Variants in MYPN observed in about 807,000 individuals in gnomAD.
MYPN encodes sarcomeric protein myopalladin, 145 kDa (MYOP).
A neutral mutation model predicts 129.4 loss-of-function variants in MYPN; 63 were observed. The observed-to-expected ratio is 0.49, with a 90% confidence interval of 0.40 to 0.60. MYPN has a LOEUF of 0.60. Among genes scored for constraint, MYPN ranks in the 20% least tolerant of loss-of-function variants. The pLI, the probability that MYPN is intolerant of heterozygous loss-of-function variation, is 0.00. For missense variants in MYPN, 1,596 were observed against 1,635.4 expected, an observed-to-expected ratio of 0.98 and a Z score of 0.42; for synonymous variants, 629 against 600.9, an observed-to-expected ratio of 1.05 and a Z score of -0.68.
chr10:68,130,320 C>A (rs1170310909), intron 2 of MYPN, among the ~76,000 whole-genome samples: 1 of 151,914 alleles, frequency 6.6e-6, no homozygotes, highest in Non-Finnish European at 1.5e-5. Flanking sequence ...ATTAGCCAGG[C>A]GTGGTGGCGG....
Position 68,121,818 on chromosome 10 carries a change from G to A in MYPN, c.380G>A (p.Ser127Asn). The A allele has an allele frequency of 6.2e-7, 1 of 1,614,126 alleles. No homozygotes were observed. The highest frequency in any genetic ancestry group is 1.6e-4 in the Middle Eastern group (1 of 6,062). The change falls in exon 2 of 20, where the codon AGC becomes AAC. Residue 127 changes from serine (S) to asparagine (N), a missense_variant. Physicochemically the swap from Ser to Asn is conservative, Grantham distance 46 (BLOSUM62 1). Coordinates refer to ENST00000358913, the MANE Select transcript of MYPN (RefSeq NM_032578.4). ...CAGGATAACCCTCGAAGTCCCACCA[G>A]CTCTAAAGAAAGCCCCCAGGAGGCA... ...FCQDNPRSPT[S>N]SKESPQEAKR... is the part of the protein sequence containing the mutation.
intron 13 of MYPN, among the ~76,000 whole-genome samples, chr10:68,189,722 T>C (rs1165090606): frequency 6.6e-6 from 1 of 152,260 alleles, no homozygotes; most frequent in Non-Finnish European, 1.5e-5. Flanking sequence ...AGCAGAATAA[T>C]ATTCCATTGT....
chr10:68,185,840 T>A (rs2043412085), intron 12 of MYPN, among the ~76,000 whole-genome samples: 1 of 150,896 alleles, frequency 6.6e-6, no homozygotes, highest in Non-Finnish European at 1.5e-5. Flanking sequence ...AGAAAAAAAA[T>A]ATCCTGGTGT....
At chr10:68,196,514 C>T (rs376566696) in intron 15 of MYPN, among the ~76,000 whole-genome samples, 52,237 of 125,538 alleles carry the variant, frequency 0.42, 11,659 homozygotes, top group Non-Finnish European at 0.51. Context: ...ATGGGGGTCT[C>T]ACTCTGTCAC....
chr10:68,091,530 G>A (rs1024727276), intron 1 of MYPN, among the ~76,000 whole-genome samples: 3 of 151,146 alleles, frequency 2.0e-5, no homozygotes, highest in Non-Finnish European at 4.4e-5. Context: ...GATTAGCTAG[G>A]GCTACAGGTG....
intron 17 of MYPN, among the ~76,000 whole-genome samples, chr10:68,201,294 C>T (rs1299227819): frequency 6.6e-6 from 1 of 152,104 alleles, no homozygotes; most frequent in Non-Finnish European, 1.5e-5. Flanking sequence ...GATGGTTGCC[C>T]CATTTCTTTT....
intron 13 of MYPN, among the ~76,000 whole-genome samples, chr10:68,192,182 A>G (rs1011191088): frequency 6.6e-6 from 1 of 152,052 alleles, no homozygotes; most frequent in African/African-American, 2.4e-5. Flanking sequence ...TCTACACTCA[A>G]TTTGTTGAGG....
intron 1 of MYPN, among the ~76,000 whole-genome samples, chr10:68,097,310 C>T (rs923609936): frequency 1.3e-5 from 2 of 152,062 alleles, no homozygotes; most frequent in Non-Finnish European, 2.9e-5. Flanking sequence ...TCGGGATAGA[C>T]GCCAAGGACT....
chr10:68,191,853 A>G (rs776039681), intron 13 of MYPN, among the ~76,000 whole-genome samples: 4 of 152,044 alleles, frequency 2.6e-5, no homozygotes, highest in Non-Finnish European at 5.9e-5. Context: ...TTGTAAGTTG[A>G]TTTTGTATCC....
chr10:68,127,028 AG>A (rs1381437560), intron 2 of MYPN, among the ~76,000 whole-genome samples: 2 of 152,220 alleles, frequency 1.3e-5, no homozygotes, highest in Non-Finnish European at 2.9e-5. Flanking sequence ...TCCGTCACTC[AG>A]GCTGGAGGGC....
At chr10:68,183,101 A>AG (rs148132373) in intron 12 of MYPN, among the ~76,000 whole-genome samples, 1,996 of 152,342 alleles carry the variant, frequency 0.013, 49 homozygotes, top group African/African-American at 0.046. Context: ...AGGTGCTTAA[A>AG]GCTATATATA....
chr10:68,134,623 T>C (rs1244192203), intron 2 of MYPN, among the ~76,000 whole-genome samples: 1 of 151,966 alleles, frequency 6.6e-6, no homozygotes, highest in Non-Finnish European at 1.5e-5. Flanking sequence ...GGTGAAACCC[T>C]GTCTCTACTA....
intron 10 of MYPN, 107 bp downstream of exon 10, chr10:68,166,773 A>C: frequency 6.9e-7 from 1 of 1,458,464 alleles, no homozygotes; most frequent in Non-Finnish European, 9.4e-7. Context: ...TCACACCTGT[A>C]ATCCGAGCAC....
intron 1 of MYPN, among the ~76,000 whole-genome samples, chr10:68,095,147 C>G (rs965236119): frequency 3.3e-5 from 5 of 151,940 alleles, no homozygotes; most frequent in Non-Finnish European, 7.4e-5. Flanking sequence ...AGTTCCAGAC[C>G]AGCCTTGGCA....
intron 15 of MYPN, 125 bp from the exon 16 acceptor site, chr10:68,197,227 T>TC (rs1316427124): frequency 1.1e-6 from 1 of 932,880 alleles, no homozygotes; most frequent in African/African-American, 1.8e-5. Flanking sequence ...TAGTCCAGCC[T>TC]CCCCTTTCCC....
intron 9 of MYPN, among the ~76,000 whole-genome samples, chr10:68,166,086 G>A (rs1194210070): frequency 6.6e-6 from 1 of 152,030 alleles, no homozygotes; most frequent in African/African-American, 2.4e-5. Context: ...TTCCAAAAGG[G>A]TACTTAGATT....
chr10:68,203,069 C>A (rs184138674), intron 18 of MYPN, among the ~76,000 whole-genome samples: 1 of 152,192 alleles, frequency 6.6e-6, no homozygotes, highest in African/African-American at 2.4e-5. Flanking sequence ...AGTTCATTCC[C>A]AGTCGAGGCT....
intron 12 of MYPN, among the ~76,000 whole-genome samples, chr10:68,178,425 A>G (rs2134214838): frequency 6.6e-6 from 1 of 152,298 alleles, no homozygotes; most frequent in South Asian, 2.1e-4. Flanking sequence ...AAAGGAATCC[A>G]GGATCACGGC....
At chr10:68,194,003 T>A (rs200365181) in intron 13 of MYPN, among the ~76,000 whole-genome samples, 1 of 112,804 alleles carries the variant, frequency 8.9e-6, no homozygotes, top group Non-Finnish European at 2.1e-5. Flanking sequence ...GTAATGAGAA[T>A]ATCCACTCTC....
Sources: allele counts gnomAD v4.1 joint callset (sites outside exome capture counted in the v4.1 genomes callset), GRCh38; gene constraint gnomAD v4.1.1; transcripts MANE v1.5; gene names NCBI Gene and HGNC (gene_info 2026-07-23, HGNC 2026-07-21).